Variants in FAT3 observed in about 807,000 individuals in gnomAD.
FAT3 encodes FAT atypical cadherin 3, also known as protocadherin Fat 3.
FAT3 carries 95 observed loss-of-function variants against 310.2 expected under a neutral mutation model. That is an observed-to-expected ratio of 0.31 (90% CI 0.26 to 0.36). The LOEUF is 0.36. Among genes scored for constraint, FAT3 ranks in the 10% least tolerant of loss-of-function variants. FAT3 has a pLI of 1.00. For missense variants in FAT3, 5,408 were observed against 5,715.6 expected (o/e 0.95, Z 1.74); for synonymous variants, 2,314 against 2,192.9 (o/e 1.06, Z -1.54).
At chr11:92,449,009 G>A (rs1005048342) in intron 2 of FAT3, among the ~76,000 whole-genome samples, 1 of 152,114 alleles carries the variant, frequency 6.6e-6, no homozygotes, top group Non-Finnish European at 1.5e-5. Flanking sequence ...AGGGCCTCTT[G>A]TGTTGCCGAT....
At chr11:92,320,214 A>AT (rs1221755955) in intron 1 of FAT3, among the ~76,000 whole-genome samples, 1 of 152,234 alleles carries the variant, frequency 6.6e-6, no homozygotes, top group African/African-American at 2.4e-5. Context: ...CATCAGCCTA[A>AT]TAAAACACAT....
rs142381907 is a variant in FAT3, at chr11:92,242,884, G to A, written c.-18+17710G>A. On this transcript the variant is annotated intron_variant, in intron 1 of 27. Coordinates refer to ENST00000525166, the MANE Select transcript of FAT3 (RefSeq NM_001367949.2). ...TGCTCTTGATCTATCCTGGCAATTC[G>A]TATTTATCCAAGGAACAATTAGAAG... 4.5e-3 allele frequency among the ~76,000 whole-genome samples: 685 copies of A among 151,896 alleles called. 4 individuals are homozygous for A. The highest frequency in any genetic ancestry group is 6.8e-3 in the Middle Eastern group (2 of 294).
intron 3 of FAT3, among the ~76,000 whole-genome samples, chr11:92,612,782 C>T (rs1292828012): frequency 6.6e-6 from 1 of 152,088 alleles, no homozygotes; most frequent in African/African-American, 2.4e-5. Context: ...GGAGAAGCTT[C>T]CTGAAAGATA....
At chr11:92,293,406 T>C (rs1946752428) in intron 1 of FAT3, among the ~76,000 whole-genome samples, 1 of 151,020 alleles carries the variant, frequency 6.6e-6, no homozygotes, top group Non-Finnish European at 1.5e-5. Context: ...AATTATTTGC[T>C]GAACATTTAG....
chr11:92,742,950 T>C (rs140704993), intron 4 of FAT3, among the ~76,000 whole-genome samples: 116 of 152,282 alleles, frequency 7.6e-4, no homozygotes, highest in South Asian at 4.4e-3. Flanking sequence ...AGGCTAAGAA[T>C]AGCACAGTGG....
chr11:92,357,342 G>A (rs1387109220), intron 2 of FAT3, among the ~76,000 whole-genome samples: 2 of 152,158 alleles, frequency 1.3e-5, no homozygotes, highest in East Asian at 1.9e-4. Flanking sequence ...TTAGCTTTGT[G>A]TAACTGCAGT....
chr11:92,760,493 A>C (rs963675485), intron 4 of FAT3, among the ~76,000 whole-genome samples: 3 of 152,208 alleles, frequency 2.0e-5, no homozygotes, highest in African/African-American at 7.2e-5. Flanking sequence ...TATGGAAGTA[A>C]TAATCTGTTT....
intron 3 of FAT3, among the ~76,000 whole-genome samples, chr11:92,696,477 G>A (rs1275352957): frequency 6.6e-6 from 1 of 152,050 alleles, no homozygotes; most frequent in African/African-American, 2.4e-5. Context: ...TTTCCACATT[G>A]CACCTACCTC....
chr11:92,757,220 G>A (rs539993085), intron 4 of FAT3, among the ~76,000 whole-genome samples: 3 of 151,988 alleles, frequency 2.0e-5, no homozygotes, highest in South Asian at 2.1e-4. Context: ...CACTGCACCC[G>A]GCCTATTTGT....
intron 24 of FAT3, among the ~76,000 whole-genome samples, chr11:92,886,499 G>A (rs1162281236): frequency 6.6e-6 from 1 of 152,124 alleles, no homozygotes; most frequent in African/African-American, 2.4e-5. Flanking sequence ...ATACAATGCT[G>A]CCCTCTAGGA....
At chr11:92,314,482 T>G (rs1947385071) in intron 1 of FAT3, among the ~76,000 whole-genome samples, 1 of 152,218 alleles carries the variant, frequency 6.6e-6, no homozygotes, top group Admixed American at 6.5e-5. Context: ...TAGGCTTTTT[T>G]GTTTGCTTTT....
At chr11:92,274,759 C>CTT (rs1379327861) in intron 1 of FAT3, among the ~76,000 whole-genome samples, 1 of 151,466 alleles carries the variant, frequency 6.6e-6, no homozygotes, top group Non-Finnish European at 1.5e-5. Context: ...CTCATTTTAC[C>CTT]TTTTTTAAAG....
chr11:92,342,607 C>T (rs1948292359), intron 1 of FAT3, among the ~76,000 whole-genome samples: 1 of 152,088 alleles, frequency 6.6e-6, no homozygotes, highest in African/African-American at 2.4e-5. Context: ...CATTTTGCCC[C>T]CCGACTATTG....
chr11:92,333,205 C>T (rs534093109), intron 1 of FAT3, among the ~76,000 whole-genome samples: 1 of 152,260 alleles, frequency 6.6e-6, no homozygotes, highest in Non-Finnish European at 1.5e-5. Flanking sequence ...GGTCAAATAG[C>T]TGCCTTAGGT....
At position 92,335,591 on chromosome 11, in the gene FAT3, A is replaced by G. The variant is rs1160294202; in HGVS notation, c.-17-16505A>G. Among the ~76,000 whole-genome samples, 3 of 152,186 alleles carry G rather than the reference A, an allele frequency of 2.0e-5. No homozygotes were observed. In the East Asian group the frequency reaches 5.8e-4, roughly 29 times the overall value. On this transcript the variant is annotated intron_variant, in intron 1 of 27. Transcript: ENST00000525166. ...AGAAGGCTTATTTAGAAACATATATATATTTTTTATTTTGAATTGTGTAAA... is the reference window on the plus strand; with the variant it reads ...AGAAGGCTTATTTAGAAACATATATGTATTTTTTATTTTGAATTGTGTAAA...
intron 19 of FAT3, among the ~76,000 whole-genome samples, chr11:92,853,855 A>G (rs1948898746): frequency 6.6e-6 from 1 of 152,144 alleles, no homozygotes; most frequent in Non-Finnish European, 1.5e-5. Context: ...CAGAAAAAGC[A>G]CCATAAGTTC....
chr11:92,440,659 C>T (rs903281783), intron 2 of FAT3, among the ~76,000 whole-genome samples: 2 of 152,040 alleles, frequency 1.3e-5, no homozygotes, highest in African/African-American at 2.4e-5. Context: ...AGGAAGAGGA[C>T]AGAGATAAAG....
chr11:92,340,377 C>T (rs912349028), intron 1 of FAT3, among the ~76,000 whole-genome samples: 2 of 152,132 alleles, frequency 1.3e-5, no homozygotes, highest in African/African-American at 2.4e-5. Flanking sequence ...TCAACTGATA[C>T]CTGGCCCCTT....
chr11:92,700,064 A>C (rs1466967305), intron 4 of FAT3, among the ~76,000 whole-genome samples: 1 of 152,214 alleles, frequency 6.6e-6, no homozygotes, highest in African/African-American at 2.4e-5. Context: ...GGGGAAGCAC[A>C]TGGAAATGAA....
Sources: allele counts gnomAD v4.1 joint callset (sites outside exome capture counted in the v4.1 genomes callset), GRCh38; gene constraint gnomAD v4.1.1; transcripts MANE v1.5; gene names NCBI Gene and HGNC (gene_info 2026-07-23, HGNC 2026-07-21).